Variants in MGAM observed in about 807,000 individuals in gnomAD.
MGAM encodes maltase-glucoamylase, also known as alpha-1,4-glucosidase.
MGAM carries 253 observed loss-of-function variants against 358.8 expected under a neutral mutation model. That is an observed-to-expected ratio of 0.71 (90% CI 0.64 to 0.78). MGAM has a LOEUF of 0.78. Among genes scored for constraint, MGAM ranks in the 30% least tolerant of loss-of-function variants. The pLI is 0.00. For missense variants in MGAM, 3,080 were observed against 3,432.6 expected (o/e 0.90, Z 2.57); for synonymous variants, 1,105 against 1,227.1 (o/e 0.90, Z 2.08).
At chr7:142,092,493 G>A (rs1318140886) in intron 58 of MGAM, 28 bp from the exon 59 acceptor site, 20 of 1,505,486 alleles carry the variant, frequency 1.3e-5, no homozygotes, top group Non-Finnish European at 1.8e-5. Flanking sequence ...CTTAAAAAGT[G>A]AGGTATGTCT....
At chr7:141,991,324 T>C (rs1803940433), upstream of MGAM, among the ~76,000 whole-genome samples, 1 of 152,152 alleles carries the variant, frequency 6.6e-6, no homozygotes, top group African/African-American at 2.4e-5. Flanking sequence ...AAGTGGTTAT[T>C]GCTATATTTT....
At chr7:142,041,954 A>ACG (rs1808713525) in intron 21 of MGAM, among the ~76,000 whole-genome samples, 5 of 19,514 alleles carry the variant, frequency 2.6e-4, no homozygotes, top group South Asian at 2.5e-3. Flanking sequence ...ATATACATAT[A>ACG]TATAATATAT....
rs782711890 is a variant in MGAM at position 142,021,557 on chromosome 7, G to T, written c.559-29G>T. 13 of 1,606,030 alleles carry T rather than the reference G, an allele frequency of 8.1e-6. No individual in the cohort carries two copies. The Admixed American group carries it at 1.5e-4, about 19-fold the overall frequency. On this transcript the variant is annotated intron_variant, in intron 5 of 70. Transcript: ENST00000475668. ...GAAGCTCTGACAAGTTTTTATTTTG[G>T]CTTTCCTTCTATTTCTATCTCTGCA...
At chr7:142,070,789 T>C (rs139461013) in intron 43 of MGAM, among the ~76,000 whole-genome samples, 14,022 of 145,748 alleles carry the variant, frequency 0.096, 2,076 homozygotes, top group African/African-American at 0.23. Flanking sequence ...GAAGCAAAGG[T>C]AAGAGACCCT....
chr7:142,008,428 T>C, intron 2 of MGAM, 78 bp from the exon 3 acceptor site: 2 of 1,425,822 alleles, frequency 1.4e-6, no homozygotes, highest in Non-Finnish European at 1.9e-6. Context: ...GTGGAGTTAA[T>C]TGGAGGTGTT....
At chr7:142,054,701 G>T (rs1811318547) in intron 26 of MGAM, 53 bp from the exon 27 acceptor site, 33 of 1,594,980 alleles carry the variant, frequency 2.1e-5, no homozygotes, top group Admixed American at 8.6e-5. Context: ...TCTGCTAAGG[G>T]TATAGGTTTC....
At chr7:142,057,609 G>A (rs1382682814) in intron 30 of MGAM, among the ~76,000 whole-genome samples, 1 of 149,912 alleles carries the variant, frequency 6.7e-6, no homozygotes, top group Non-Finnish European at 1.5e-5. Context: ...ATGGTGGTGG[G>A]GGCACGATCG....
intron 22 of MGAM, 60 bp downstream of exon 22, chr7:142,047,933 T>C: frequency 1.6e-6 from 2 of 1,256,264 alleles, no homozygotes; most frequent in Non-Finnish European, 2.3e-6. Flanking sequence ...TTATGGTCCT[T>C]CACTCCTGCT....
intron 1 of MGAM, among the ~76,000 whole-genome samples, chr7:142,001,092 A>G (rs541116342): frequency 6.6e-6 from 1 of 152,192 alleles, no homozygotes; most frequent in African/African-American, 2.4e-5. Context: ...GAGATTATTA[A>G]TCTTTATGGA....
chr7:142,005,666 T>C lies in MGAM; in HGVS notation c.127+9T>C. On this transcript the variant is annotated intron_variant, in intron 2 of 70. Transcript: ENST00000475668. ...GTCACTGAAATCAACAGGTAAGAAG[T>C]AACTCTGGGGCTCTCTCCATATGTT... 2 of 1,599,810 alleles carry C rather than the reference T, an allele frequency of 1.3e-6. No homozygotes were observed. Among genetic ancestry groups the C allele is most frequent in the African/African-American group, 1.3e-5 (1 of 74,692 alleles).
chr7:142,056,973 C>T (rs762267105), intron 30 of MGAM, 31 bp downstream of exon 30: 8 of 1,602,790 alleles, frequency 5.0e-6, no homozygotes, highest in African/African-American at 1.3e-5. Flanking sequence ...TTATCAAGTA[C>T]TTACACAGCA....
At chr7:142,096,653 C>T (rs375730729) in intron 65 of MGAM, among the ~76,000 whole-genome samples, 2 of 152,290 alleles carry the variant, frequency 1.3e-5, no homozygotes, top group South Asian at 2.1e-4. Context: ...GAAAACACCT[C>T]ATGGTATATT....
At chr7:142,021,363 A>G (rs554164470) in intron 5 of MGAM, among the ~76,000 whole-genome samples, 149 of 152,316 alleles carry the variant, frequency 9.8e-4, no homozygotes, top group African/African-American at 3.5e-3. Flanking sequence ...AGGAAGTATC[A>G]CAGCTTTCAA....
At chr7:142,042,917 TAC>T (rs1245071679) in intron 21 of MGAM, among the ~76,000 whole-genome samples, 10 of 49,180 alleles carry the variant, frequency 2.0e-4, no homozygotes, top group African/African-American at 6.1e-4. Context: ...ATATTATATA[TAC>T]ATATAATATC....
intron 2 of MGAM, 52 bp from the exon 3 acceptor site, chr7:142,008,454 T>A: frequency 6.5e-7 from 1 of 1,532,118 alleles, no homozygotes; most frequent in Non-Finnish European, 8.8e-7. Flanking sequence ...CTATTGAATG[T>A]CTGTGAAATT....
At chr7:142,047,280 A>T (rs1393677235) in intron 21 of MGAM, among the ~76,000 whole-genome samples, 1 of 152,174 alleles carries the variant, frequency 6.6e-6, no homozygotes, top group Non-Finnish European at 1.5e-5. Flanking sequence ...TTTCTTTCAA[A>T]ACAAACTAAT....
intron 47 of MGAM, among the ~76,000 whole-genome samples, chr7:142,077,242 C>T (rs13309153): frequency 0.011 from 1,519 of 144,140 alleles, 131 homozygotes; most frequent in South Asian, 0.018. Flanking sequence ...TGTGGTCAGG[C>T]TTTGGAGGTC....
At position 142,084,748 on chromosome 7, in the gene MGAM, T is replaced by C. The variant is rs984309056; in HGVS notation, c.6507+104T>C. 7.1e-6 allele frequency: 10 copies of C among 1,404,018 alleles called. 1 individual carries two copies. In the African/African-American group the frequency reaches 9.7e-5, roughly 14 times the overall value. 87.0% of individuals were successfully genotyped at this position (1,404,018 alleles called of 1,614,324 possible). ...GTGAGATTCTATAAAGACATAATGT[T>C]CTTTTTCAGACAATATCACAGTTAG... On this transcript the variant is annotated intron_variant, in intron 54 of 70. Coordinates refer to ENST00000475668, the MANE Select transcript of MGAM (RefSeq NM_001365693.1).
At chr7:142,038,661 C>A in intron 19 of MGAM, 46 bp downstream of exon 19, 1 of 1,382,508 alleles carries the variant, frequency 7.2e-7, no homozygotes, top group Non-Finnish European at 9.9e-7. Context: ...GCATCTGTAT[C>A]TGCTGCCCTG....
Sources: allele counts gnomAD v4.1 joint callset (sites outside exome capture counted in the v4.1 genomes callset), GRCh38; gene constraint gnomAD v4.1.1; transcripts MANE v1.5; gene names NCBI Gene and HGNC (gene_info 2026-07-23, HGNC 2026-07-21).